Variants in AQP5 observed in about 807,000 individuals in gnomAD.
AQP5 encodes aquaporin-5.
In AQP5, 15 loss-of-function variants were observed where a neutral mutation model predicts 19.1. That is an observed-to-expected ratio of 0.79 (90% CI 0.53 to 1.21). The LOEUF (loss-of-function observed/expected upper bound fraction) is 1.21, where lower values mean the gene tolerates loss of function less well. AQP5 is among the 50% of genes most tolerant of loss of function. The pLI, the probability that AQP5 is intolerant of heterozygous loss-of-function variation, is 0.00. For synonymous variants in AQP5, 182 were observed against 160.3 expected, an observed-to-expected ratio of 1.14 and a Z score of -1.02; for missense variants, 355 against 357.1, an observed-to-expected ratio of 0.99 and a Z score of 0.05.
At position 49,962,313 on chromosome 12, in the gene AQP5, T is replaced by C. The variant is rs770232536; in HGVS notation, c.296T>C (p.Ile99Thr). ...GTGGCGGCCCAGCTGGTGGGCGCCA[T>C]TGCCGGGGCTGGCATCCTCTACGGT... Reference protein sequence around the residue: ...FYVAAQLVGAIAGAGILYGVA... With the variant: ...FYVAAQLVGATAGAGILYGVA... Residue 99 changes from isoleucine (I) to threonine (T), a missense_variant, in exon 1 of 4, where the codon ATT (isoleucine) becomes ACT (threonine). Coordinates refer to ENST00000293599, the MANE Select transcript of AQP5 (RefSeq NM_001651.4). 3.1e-6 allele frequency: 5 copies of C among 1,606,772 alleles called. No homozygotes were observed. The East Asian group carries it at 6.7e-5, about 22-fold the overall frequency.
Position 49,961,979 on chromosome 12 carries a change from C to T in AQP5, c.-39C>T, listed in dbSNP as rs763122809. On this transcript the variant is annotated 5_prime_UTR_variant, in exon 1 of 4. Coordinates refer to ENST00000293599, the MANE Select transcript of AQP5 (RefSeq NM_001651.4). ...CGCCGCCTGCGACCCAACGGGCGCC[C>T]CCCGCCGCGGCAGCTGCCGCCGGGC... 1.3e-5 allele frequency: 17 copies of T among 1,313,540 alleles called. No homozygotes were observed. The East Asian group carries it at 3.9e-4, about 30-fold the overall frequency. 81.4% of individuals were successfully genotyped at this position (1,313,540 alleles called of 1,614,324 possible). A position where few individuals can be genotyped will look rare whatever the true frequency, so the allele number is the denominator to read the frequency against.
rs1425751273 is a variant in AQP5 at position 49,962,556 on chromosome 12, C to A, written c.363+176C>A. On this transcript the variant is annotated intron_variant, in intron 1 of 3. Transcript: ENST00000293599. ...AACTCTCCAGGCTGATATGTGCTCC[C>A]TTCCTGCCCACCTCCTCTCCCCCTC... 339 of 803,672 alleles carry A rather than the reference C, an allele frequency of 4.2e-4. 7 individuals carry two copies. The highest frequency in any genetic ancestry group is 1.6e-5 in the Non-Finnish European group (9 of 564,296). 49.8% of individuals were successfully genotyped at this position (803,672 alleles called of 1,614,324 possible). A position where few individuals can be genotyped will look rare whatever the true frequency, so the allele number is the denominator to read the frequency against.
At chr12:49,962,623 A>C in intron 1 of AQP5, 6 of 427,510 alleles carry the variant, frequency 1.4e-5, no homozygotes, top group South Asian at 4.5e-5. Context: ...AATGCCTGCT[A>C]CCCCTCCTCT....
At chr12:49,962,489 C>T in intron 1 of AQP5, 109 bp downstream of exon 1, 2 of 1,434,486 alleles carry the variant, frequency 1.4e-6, no homozygotes, top group South Asian at 3.0e-5. Flanking sequence ...CCAGCCCACA[C>T]CCTTCACCAG....
Position 49,962,369 on chromosome 12 carries a change from G to A in AQP5, c.352G>A (p.Ala118Thr). Residue 118 changes from alanine (A) to threonine (T), a missense_variant, in exon 1 of 4, where the codon GCC becomes ACC. Physicochemically the swap from Ala to Thr is moderately conservative, Grantham distance 58. Transcript: ENST00000293599. ...VAPLNARGNL[A>T]VNALNNNTTQ... is the part of the protein sequence containing the mutation. ...ACCGCTCAATGCCCGGGGCAATCTG[G>A]CCGTCAACGCGGTGAGTGCCCTGGG... 1 of 1,578,206 alleles carries A rather than the reference G, an allele frequency of 6.3e-7. No homozygotes were observed. Among genetic ancestry groups the A allele is most frequent in the Non-Finnish European group, 8.5e-7 (1 of 1,170,256 alleles).
chr12:49,964,227 G>A, intron 3 of AQP5, 52 bp downstream of exon 3: 1 of 1,563,604 alleles, frequency 6.4e-7, no homozygotes. Flanking sequence ...TGGAGACCCA[G>A]CAGTGGCAGC....
chr12:49,962,043 C>T lies in AQP5; in HGVS notation c.26C>T (p.Ala9Val). MKKEVCSVAFLKAVFAEFL... is the reference protein window; with the variant it reads MKKEVCSVVFLKAVFAEFL... The stretch of plus-strand genomic sequence containing the variant: ...ATGAAGAAGGAGGTGTGCTCCGTGG[C>T]CTTCCTCAAGGCCGTGTTCGCAGAG... Residue 9 changes from alanine to valine, a missense_variant, in exon 1 of 4, where the codon GCC (alanine) becomes GTC (valine). Transcript: ENST00000293599. The T allele has an allele frequency of 6.3e-7, 1 of 1,594,316 alleles. No homozygotes were observed. The highest frequency in any genetic ancestry group is 8.6e-7 in the Non-Finnish European group (1 of 1,165,566).
Position 49,962,310 on chromosome 12 carries a change from C to T in AQP5, c.293C>T (p.Ala98Val), listed in dbSNP as rs746249395. The change falls in exon 1 of 4, where the codon GCC becomes GTC. Residue 98 changes from alanine to valine, a missense_variant. Ala to Val is a moderately conservative substitution (Grantham distance 64). Coordinates refer to ENST00000293599, the MANE Select transcript of AQP5 (RefSeq NM_001651.4). Reference protein sequence around the residue: ...FFYVAAQLVGAIAGAGILYGV... With the variant: ...FFYVAAQLVGVIAGAGILYGV... ...TACGTGGCGGCCCAGCTGGTGGGCG[C>T]CATTGCCGGGGCTGGCATCCTCTAC... 1.2e-5 allele frequency: 20 copies of T among 1,607,518 alleles called. No individual in the cohort carries two copies. Among genetic ancestry groups the T allele is most frequent in the Non-Finnish European group, 1.7e-5 (20 of 1,179,850 alleles).
intron 1 of AQP5, 62 bp from the exon 2 acceptor site, chr12:49,963,430 C>A (rs1453799805): frequency 1.3e-6 from 2 of 1,586,390 alleles, no homozygotes; most frequent in Non-Finnish European, 1.7e-6. Context: ...AGCCCTACTC[C>A]CCGAGCCCCT....
chr12:49,965,366 G>A lies in AQP5; in HGVS notation c.*189G>A, dbSNP rs139851649. ...TGGGACTCCTGGGGTAGGGGCCAGG[G>A]GCTGGGGTCTGCTGGGGACAGGTCT... On this transcript the variant is annotated 3_prime_UTR_variant, in exon 4 of 4. Coordinates refer to ENST00000293599, the MANE Select transcript of AQP5 (RefSeq NM_001651.4). The A allele has an allele frequency of 3.0e-6, 2 of 666,716 alleles. No individual in the cohort carries two copies. Among genetic ancestry groups the A allele is most frequent in the South Asian group, 2.1e-5 (1 of 47,276 alleles). 41.3% of individuals were successfully genotyped at this position (666,716 alleles called of 1,614,324 possible).
chr12:49,963,577 C>G lies in AQP5; in HGVS notation c.449C>G (p.Thr150Ser). ...FQLALCIFAS[T>S]DSRRTSPVGS... ...CTGGCACTCTGCATCTTCGCCTCCA[C>G]TGACTCCCGCCGCACCAGCCCTGTG... The change falls in exon 2 of 4, where the codon ACT becomes AGT. Residue 150 changes from threonine to serine, a missense_variant. Transcript: ENST00000293599. 1 of 1,613,714 alleles carries G rather than the reference C, an allele frequency of 6.2e-7. No homozygotes were observed. The highest frequency in any genetic ancestry group is 8.5e-7 in the Non-Finnish European group (1 of 1,180,038).
chr12:49,961,892 G>A lies in AQP5; in HGVS notation c.-126G>A, dbSNP rs1947425946. On this transcript the variant is annotated 5_prime_UTR_variant, in exon 1 of 4. Coordinates refer to ENST00000293599, the MANE Select transcript of AQP5 (RefSeq NM_001651.4). Reference sequence around the variant, plus strand: ...GCGCCAGGCCGCCAGCCTCGGAGTGGGCGCGGGACAGTGCGCGGCGCCCCG... The same window carrying A: ...GCGCCAGGCCGCCAGCCTCGGAGTGAGCGCGGGACAGTGCGCGGCGCCCCG... 4 of 440,090 alleles carry A rather than the reference G, an allele frequency of 9.1e-6. No individual in the cohort carries two copies. Among genetic ancestry groups the A allele is most frequent in the South Asian group, 1.8e-4 (2 of 10,820 alleles). The allele number at this position is 440,090 out of a possible 1,614,324, so 27.3% of individuals were successfully genotyped here. A position where few individuals can be genotyped will look rare whatever the true frequency, so the allele number is the denominator to read the frequency against.
At chr12:49,964,596 C>A (rs61546342) in intron 3 of AQP5, 5 of 965,518 alleles carry the variant, frequency 5.2e-6, no homozygotes, top group Admixed American at 6.2e-5. Context: ...GTCTGCCCCC[C>A]CTTTGGAAGC....
chr12:49,962,520 G>T (rs2137158251), intron 1 of AQP5, 140 bp downstream of exon 1: 5 of 1,343,640 alleles, frequency 3.7e-6, no homozygotes, highest in Non-Finnish European at 4.9e-6. Flanking sequence ...GCCTCCCAAG[G>T]CCAGGAAGGC....
At position 49,964,279 on chromosome 12, in the gene AQP5, G is replaced by A. The variant is rs757663072; in HGVS notation, c.612+104G>A. On this transcript the variant is annotated intron_variant, in intron 3 of 3. Coordinates refer to ENST00000293599, the MANE Select transcript of AQP5 (RefSeq NM_001651.4). ...CTGGATTCTGTGGGTCTAGAGCTTG[G>A]GGGTGGGCCACGGAGTGGTGGCTGA... The A allele has an allele frequency of 1.1e-4, 138 of 1,242,474 alleles. 1 individual carries two copies. The highest frequency in any genetic ancestry group is 1.0e-3 in the East Asian group (42 of 41,376). 77.0% of individuals were successfully genotyped at this position (1,242,474 alleles called of 1,614,324 possible).
chr12:49,965,388 G>A lies in AQP5; in HGVS notation c.*211G>A, dbSNP rs1947479336. The A allele has an allele frequency of 3.5e-6, 2 of 569,110 alleles. No homozygotes were observed. The highest frequency in any genetic ancestry group is 3.0e-6 in the Non-Finnish European group (1 of 330,928). The allele number at this position is 569,110 out of a possible 1,614,324, so 35.3% of individuals were successfully genotyped here. On this transcript the variant is annotated 3_prime_UTR_variant, in exon 4 of 4. Coordinates refer to ENST00000293599, the MANE Select transcript of AQP5 (RefSeq NM_001651.4). ...AGGGGCTGGGGTCTGCTGGGGACAG[G>A]TCTCTCTGGGACAGACCTCAGAGAT...
At chr12:49,964,802 C>T in intron 3 of AQP5, 190 bp from the exon 4 acceptor site, 1 of 985,384 alleles carries the variant, frequency 1.0e-6, no homozygotes, top group Non-Finnish European at 1.2e-6. Flanking sequence ...TGGTCCATGT[C>T]TCTGTCCCTG....
Position 49,964,135 on chromosome 12 carries a change from GC to G in AQP5, c.575del (p.Pro192LeufsTer5). On this transcript the variant is annotated frameshift_variant, in exon 3 of 4. Coordinates refer to ENST00000293599, the MANE Select transcript of AQP5 (RefSeq NM_001651.4). LOFTEE classifies it high-confidence loss of function. ...GCSMNPARSF[G>X]PAVVMNRFSP... ...TCCATGAACCCAGCCCGCTCTTTTG[GC>G]CCTGCGGTGGTCATGAATCGGTTCA... 1 of 1,614,170 alleles carries G rather than the reference GC, an allele frequency of 6.2e-7. No homozygotes were observed. The highest frequency in any genetic ancestry group is 8.5e-7 in the Non-Finnish European group (1 of 1,180,030).
Position 49,964,129 on chromosome 12 carries a change from CT to C in AQP5, c.570del (p.Phe190LeufsTer7). 1 of 1,614,204 alleles carries C rather than the reference CT, an allele frequency of 6.2e-7. No homozygotes were observed. Among genetic ancestry groups the C allele is most frequent in the Non-Finnish European group, 8.5e-7 (1 of 1,180,038 alleles). On this transcript the variant is annotated frameshift_variant, in exon 3 of 4. Transcript: ENST00000293599. LOFTEE classifies it high-confidence loss of function. Reference protein sequence around the residue: ...FTGCSMNPARSFGPAVVMNRF... With the variant: ...FTGCSMNPARXFGPAVVMNRF... ...GGCTGCTCCATGAACCCAGCCCGCT[CT>C]TTTGGCCCTGCGGTGGTCATGAATC...
Sources: gnomAD v4.1 joint callset for allele counts on GRCh38, gnomAD v4.1.1 for gene constraint, MANE v1.5 for transcripts, NCBI Gene and HGNC (gene_info 2026-07-23, HGNC 2026-07-21) for gene names.